NR3C2: variants seen among roughly 807,000 people sequenced by gnomAD.
NR3C2 encodes the protein nuclear receptor subfamily 3 group C member 2.
A neutral mutation model predicts 86.4 loss-of-function variants in NR3C2; 15 were observed. The ratio of observed to expected loss-of-function variants is 0.17; its 90% CI spans 0.12 to 0.27. NR3C2 has a LOEUF of 0.27. NR3C2 is among the 10% of genes least tolerant of loss of function. NR3C2 has a pLI of 1.00. For missense variants in NR3C2, 960 were observed against 1,195.6 expected (o/e 0.80, Z 2.91); for synonymous variants, 458 against 450.5 (o/e 1.02, Z -0.21).
intron 2 of NR3C2, among the ~76,000 whole-genome samples, chr4:148,399,920 A>G (rs1748056596): frequency 6.6e-6 from 1 of 152,214 alleles, no homozygotes; most frequent in African/African-American, 2.4e-5. Context: ...TGCAAACCAT[A>G]AACTTTTCTA....
At chr4:148,114,032 G>C in intron 8 of NR3C2, 72 bp downstream of exon 8, 1 of 1,573,384 alleles carries the variant, frequency 6.4e-7, no homozygotes, top group East Asian at 2.3e-5. Flanking sequence ...CTCAGTCTCT[G>C]TTTCCTTTGG....
At chr4:148,105,221 C>G (rs898410891) in intron 8 of NR3C2, among the ~76,000 whole-genome samples, 1 of 152,158 alleles carries the variant, frequency 6.6e-6, no homozygotes, top group Admixed American at 6.5e-5. Flanking sequence ...ACTGATCCCA[C>G]AAAAATACAA....
chr4:148,248,781 G>C (rs1469514400), intron 3 of NR3C2, among the ~76,000 whole-genome samples: 1 of 152,106 alleles, frequency 6.6e-6, no homozygotes, highest in Non-Finnish European at 1.5e-5. Context: ...TGTACATAAA[G>C]TAGCCACAGT....
At chr4:148,409,895 T>C (rs992272903) in intron 2 of NR3C2, among the ~76,000 whole-genome samples, 1 of 152,062 alleles carries the variant, frequency 6.6e-6, no homozygotes, top group African/African-American at 2.4e-5. Context: ...TCGCTAAAAA[T>C]TCCCCTACAC....
chr4:148,335,425 C>A (rs77165347), intron 2 of NR3C2, among the ~76,000 whole-genome samples: 1 of 152,076 alleles, frequency 6.6e-6, no homozygotes, highest in Non-Finnish European at 1.5e-5. Flanking sequence ...TCTAGACATG[C>A]GCAGATGGAG....
intron 6 of NR3C2, among the ~76,000 whole-genome samples, chr4:148,137,943 TTATAA>T (rs1446303015): frequency 1.3e-5 from 2 of 152,210 alleles, no homozygotes; most frequent in East Asian, 1.9e-4. Context: ...TTTATGTTAT[TTATAA>T]TATGTGATGG....
intron 8 of NR3C2, among the ~76,000 whole-genome samples, chr4:148,104,431 T>C (rs1731701417): frequency 6.9e-6 from 1 of 145,470 alleles, no homozygotes; most frequent in Non-Finnish European, 1.5e-5. Flanking sequence ...GTTAGCTGAC[T>C]ATGGAATAAA....
intron 2 of NR3C2, among the ~76,000 whole-genome samples, chr4:148,321,700 C>A (rs764556616): frequency 6.6e-6 from 1 of 151,840 alleles, no homozygotes; most frequent in Non-Finnish European, 1.5e-5. Context: ...AGGATTGCAA[C>A]CCCTGCCTTT....
At chr4:148,127,788 AC>A (rs1732822175) in intron 6 of NR3C2, among the ~76,000 whole-genome samples, 1 of 152,250 alleles carries the variant, frequency 6.6e-6, no homozygotes, top group South Asian at 2.1e-4. Flanking sequence ...TTTTTAAAAA[AC>A]ACTTCAATAG....
At chr4:148,226,951 A>C (rs1738201105) in intron 3 of NR3C2, among the ~76,000 whole-genome samples, 1 of 152,190 alleles carries the variant, frequency 6.6e-6, no homozygotes, top group African/African-American at 2.4e-5. Context: ...TCAGACTAAC[A>C]AAAAAGTTTA....
In NR3C2 at chr4:148,081,431, G is replaced by A; in HGVS notation, c.2868C>T (p.Phe956=). 1 of 1,614,110 alleles carries A rather than the reference G, an allele frequency of 6.2e-7. No individual in the cohort carries two copies. Among genetic ancestry groups the A allele is most frequent in the Non-Finnish European group, 8.5e-7 (1 of 1,180,030 alleles). ...TGATGATCTCCACCAGCATTGCGGG[G>A]AACTCTACCTTCAGCGCATGGGACT... The part of the protein sequence containing the change: ...FRESHALKVE[F]PAMLVEIISD... Residue 956 remains phenylalanine, a synonymous_variant, in exon 9 of 9, where the codon TTC becomes TTT. Transcript: ENST00000358102.
chr4:148,104,216 A>G (rs1029512348), intron 8 of NR3C2, among the ~76,000 whole-genome samples: 22 of 152,242 alleles, frequency 1.4e-4, no homozygotes, highest in Middle Eastern at 3.4e-3. Flanking sequence ...CAATTGTTCC[A>G]TTACCCACTA....
intron 2 of NR3C2, among the ~76,000 whole-genome samples, chr4:148,350,459 GA>G (rs1216446377): frequency 1.3e-5 from 2 of 151,904 alleles, no homozygotes; most frequent in African/African-American, 4.8e-5. Flanking sequence ...TACATTAATA[GA>G]AAAAAATCTC....
intron 8 of NR3C2, among the ~76,000 whole-genome samples, chr4:148,113,550 T>C (rs1732137741): frequency 6.6e-6 from 1 of 152,226 alleles, no homozygotes; most frequent in Non-Finnish European, 1.5e-5. Flanking sequence ...TTTTTAACTC[T>C]TGCTGCTTTC....
chr4:148,360,416 G>C (rs760160971), intron 2 of NR3C2, among the ~76,000 whole-genome samples: 2 of 152,168 alleles, frequency 1.3e-5, no homozygotes, highest in Non-Finnish European at 2.9e-5. Context: ...ACTGCCTTCA[G>C]TGTGCTCATT....
intron 2 of NR3C2, among the ~76,000 whole-genome samples, chr4:148,282,964 A>G (rs1027356787): frequency 6.6e-6 from 1 of 152,178 alleles, no homozygotes; most frequent in African/African-American, 2.4e-5. Flanking sequence ...AATACAAAAC[A>G]CAATGAAATC....
intron 8 of NR3C2, among the ~76,000 whole-genome samples, chr4:148,101,523 T>C (rs532083559): frequency 1.3e-5 from 2 of 152,302 alleles, no homozygotes; most frequent in South Asian, 4.1e-4. Context: ...TTGAACTAAA[T>C]CATGACTTAA....
At chr4:148,430,855 T>C (rs1359093417) in intron 2 of NR3C2, among the ~76,000 whole-genome samples, 3 of 152,258 alleles carry the variant, frequency 2.0e-5, no homozygotes, top group Admixed American at 6.5e-5. Context: ...TCAGGGGCAA[T>C]TGAAAAATAA....
chr4:148,172,382 C>A (rs1735167535), intron 4 of NR3C2, among the ~76,000 whole-genome samples: 1 of 152,108 alleles, frequency 6.6e-6, no homozygotes, highest in South Asian at 2.1e-4. Flanking sequence ...GAGATATAAG[C>A]CTTTCCTGCA....
Sources: allele counts gnomAD v4.1 joint callset (sites outside exome capture counted in the v4.1 genomes callset), GRCh38; gene constraint gnomAD v4.1.1; transcripts MANE v1.5; gene names NCBI Gene and HGNC (gene_info 2026-07-23, HGNC 2026-07-21).